The following PPM1B variants were observed in gnomAD, a reference collection of about 807,000 sequenced individuals.
The protein encoded by PPM1B is protein phosphatase, Mg2+/Mn2+ dependent 1B.
In PPM1B, 22 loss-of-function variants were observed where a neutral mutation model predicts 43.0. That is an observed-to-expected ratio of 0.51 (90% CI 0.37 to 0.73). The LOEUF (loss-of-function observed/expected upper bound fraction) is 0.73. Among genes scored for constraint, PPM1B ranks in the 30% least tolerant of loss-of-function variants. The pLI, the probability that PPM1B is intolerant of heterozygous loss-of-function variation, is 0.00. For synonymous variants in PPM1B, 217 were observed against 197.9 expected, an observed-to-expected ratio of 1.10 and a Z score of -0.81; for missense variants, 632 against 584.2, an observed-to-expected ratio of 1.08 and a Z score of -0.84.
At chr2:44,181,246 G>T (rs1349949973) in intron 1 of PPM1B, among the ~76,000 whole-genome samples, 1 of 152,150 alleles carries the variant, frequency 6.6e-6, no homozygotes, top group Non-Finnish European at 1.5e-5. Flanking sequence ...ACCATACCCA[G>T]CCTAGGAAAT....
At chr2:44,224,737 A>G (rs1289845072) in intron 5 of PPM1B, among the ~76,000 whole-genome samples, 2 of 152,136 alleles carry the variant, frequency 1.3e-5, no homozygotes, top group Non-Finnish European at 2.9e-5. Flanking sequence ...CTGAATTCTC[A>G]TCTCAGTAAT....
chr2:44,186,634 C>G (rs966437569), intron 1 of PPM1B, among the ~76,000 whole-genome samples: 2 of 152,244 alleles, frequency 1.3e-5, no homozygotes, highest in Admixed American at 6.5e-5. Flanking sequence ...CTGAGCCTCC[C>G]AAACTGCTGG....
chr2:44,178,454 A>ATG (rs1667693243), intron 1 of PPM1B, among the ~76,000 whole-genome samples: 1 of 106,756 alleles, frequency 9.4e-6, no homozygotes, highest in Non-Finnish European at 1.9e-5. Flanking sequence ...TTATATATGT[A>ATG]TATATATATA....
rs1194594635 is a variant in PPM1B at position 44,201,895 on chromosome 2, A to G, written c.696A>G (p.Ala232=). Reference sequence around the variant, plus strand: ...CTGAGGTTTATGAAATTTTAAGAGCAGAAGAGGATGAATTTATCATCTTGG... The same window carrying G: ...CTGAGGTTTATGAAATTTTAAGAGCGGAAGAGGATGAATTTATCATCTTGG... ...PEPEVYEILR[A]EEDEFIILAC... is the part of the protein sequence containing the mutation. The change falls in exon 2 of 6, where the codon GCA becomes GCG. Residue 232 remains alanine (A), a synonymous_variant. Transcript: ENST00000282412. The surrounding 1 kb of genome is among the most constrained non-coding windows in gnomAD (Gnocchi z 5.4). 14 of 1,614,086 alleles carry G rather than the reference A, an allele frequency of 8.7e-6. No homozygotes were observed. In the African/African-American group the frequency reaches 1.9e-4, roughly 22 times the overall value.
chr2:44,229,203 G>T (rs915825960), intron 5 of PPM1B, among the ~76,000 whole-genome samples: 1 of 150,532 alleles, frequency 6.6e-6, no homozygotes, highest in African/African-American at 2.4e-5. Context: ...AAAGAACGAA[G>T]ACATTTTTCT....
chr2:44,218,884 G>A (rs769121045), intron 5 of PPM1B: 16 of 464,956 alleles, frequency 3.4e-5, no homozygotes, highest in South Asian at 1.9e-4. Flanking sequence ...TTCTCCTCCA[G>A]CAGGCTGCTG....
chr2:44,178,680 A>T (rs1017053735), intron 1 of PPM1B, among the ~76,000 whole-genome samples: 1 of 151,884 alleles, frequency 6.6e-6, no homozygotes, highest in Admixed American at 6.6e-5. Context: ...CATGTTGGCC[A>T]GGGTGGTCTG....
chr2:44,178,093 T>G (rs552508135), intron 1 of PPM1B, among the ~76,000 whole-genome samples: 2 of 151,044 alleles, frequency 1.3e-5, no homozygotes, highest in Admixed American at 6.6e-5. Flanking sequence ...AATTTTTGTG[T>G]TTTTTTTGTA....
At chr2:44,223,814 TAAAAAAAAAAAAAAAAAAA>T (rs58530902) in intron 5 of PPM1B, among the ~76,000 whole-genome samples, 1 of 36,034 alleles carries the variant, frequency 2.8e-5, no homozygotes, top group Non-Finnish European at 4.8e-5. Flanking sequence ...GGACTCTGTC[TAAAAAAAAAAAAAAAAAAA>T]AAAAAAAAAA....
chr2:44,219,708 C>T (rs1456915811), intron 5 of PPM1B, among the ~76,000 whole-genome samples: 2 of 152,008 alleles, frequency 1.3e-5, no homozygotes, highest in Non-Finnish European at 2.9e-5. Context: ...GTTTGGGAGG[C>T]CGAGGCGGGC....
chr2:44,228,274 ACCTCCTC>A (rs1670312552), intron 5 of PPM1B, among the ~76,000 whole-genome samples: 1 of 139,152 alleles, frequency 7.2e-6, no homozygotes, highest in South Asian at 2.2e-4. Flanking sequence ...TGAAGCCTCA[ACCTCCTC>A]GACTTAGCTC....
intron 2 of PPM1B, among the ~76,000 whole-genome samples, chr2:44,208,184 A>T (rs1572725044): frequency 6.6e-6 from 1 of 151,904 alleles, no homozygotes; most frequent in South Asian, 2.1e-4. Flanking sequence ...CACCGTGCCC[A>T]GTGTATGCTT....
At chr2:44,227,040 C>T (rs1670250391) in intron 5 of PPM1B, among the ~76,000 whole-genome samples, 1 of 151,752 alleles carries the variant, frequency 6.6e-6, no homozygotes, top group South Asian at 2.1e-4. Flanking sequence ...GAGGCATGAA[C>T]ATGGCTTACT....
At chr2:44,179,004 C>A (rs907411967) in intron 1 of PPM1B, among the ~76,000 whole-genome samples, 1 of 152,160 alleles carries the variant, frequency 6.6e-6, no homozygotes, top group African/African-American at 2.4e-5. Context: ...CCACCCAAGT[C>A]TCATCTTGAA....
downstream of PPM1B, among the ~76,000 whole-genome samples, chr2:44,237,711 C>A (rs1046086247): frequency 6.6e-6 from 1 of 152,082 alleles, no homozygotes; most frequent in Non-Finnish European, 1.5e-5. Context: ...CAAATGTATT[C>A]TTTCCATATA....
chr2:44,245,044 G>A (rs771861925), downstream of PPM1B, among the ~76,000 whole-genome samples: 3 of 151,878 alleles, frequency 2.0e-5, no homozygotes, highest in Non-Finnish European at 4.4e-5. Context: ...ACGTATCCAT[G>A]CTGATTGCTT....
chr2:44,229,562 C>T (rs1670378076), intron 5 of PPM1B, among the ~76,000 whole-genome samples: 1 of 152,130 alleles, frequency 6.6e-6, no homozygotes, highest in African/African-American at 2.4e-5. Context: ...TAACTTGATC[C>T]TCTATTCCCT....
chr2:44,229,947 G>A, intron 5 of PPM1B: 1 of 1,460,372 alleles, frequency 6.8e-7, no homozygotes, highest in Non-Finnish European at 9.2e-7. Context: ...TCAAAAATCT[G>A]TTTAAATCTA....
chr2:44,210,386 T>C (rs1669403838), intron 3 of PPM1B, among the ~76,000 whole-genome samples: 1 of 151,978 alleles, frequency 6.6e-6, no homozygotes, highest in Admixed American at 6.6e-5. Flanking sequence ...AGCTGGCTAG[T>C]TTTCTTTATT....
Sources: gnomAD v4.1 joint callset for allele counts (sites outside exome capture counted in the v4.1 genomes callset) on GRCh38, gnomAD v4.1.1 for gene constraint, Gnocchi (gnomAD v3.1) non-coding constraint, MANE v1.5 for transcripts, NCBI Gene and HGNC (gene_info 2026-07-23, HGNC 2026-07-21) for gene names.